Variants in CYFIP1 observed in about 807,000 individuals in gnomAD.
The protein encoded by CYFIP1 is cytoplasmic FMR1-interacting protein 1.
CYFIP1 carries 58 observed loss-of-function variants against 163.5 expected under a neutral mutation model. The observed-to-expected ratio is 0.35, with a 90% CI of 0.29 to 0.44. CYFIP1 has a LOEUF of 0.44. CYFIP1 is among the 20% of genes least tolerant of loss of function. The pLI is 1.00. For synonymous variants in CYFIP1, 663 were observed against 660.7 expected, an observed-to-expected ratio of 1.00 and a Z score of -0.05; for missense variants, 1,338 against 1,653.8, an observed-to-expected ratio of 0.81 and a Z score of 3.31.
At chr15:22,880,120 G>GC in intron 25 of CYFIP1, 77 bp from the exon 26 acceptor site, 1 of 1,572,728 alleles carries the variant, frequency 6.4e-7, no homozygotes, top group Non-Finnish European at 8.6e-7. Flanking sequence ...ACAGCCAGGA[G>GC]CACCTGCCGT....
At chr15:22,883,728 A>G (rs1595510758) in intron 23 of CYFIP1, among the ~76,000 whole-genome samples, 1 of 150,386 alleles carries the variant, frequency 6.6e-6, no homozygotes, top group Non-Finnish European at 1.5e-5. Context: ...GAGGCAGGAG[A>G]ATGGCATGAA....
intron 21 of CYFIP1, among the ~76,000 whole-genome samples, chr15:22,907,099 T>A (rs1315689869): frequency 1.3e-5 from 2 of 152,208 alleles, no homozygotes; most frequent in Non-Finnish European, 2.9e-5. Context: ...TACATGCTAT[T>A]CCCAGCAGCT....
intron 1 of CYFIP1, among the ~76,000 whole-genome samples, chr15:22,969,064 G>A (rs894754662): frequency 6.6e-6 from 1 of 152,166 alleles, no homozygotes; most frequent in African/African-American, 2.4e-5. Flanking sequence ...CACAGGCTCT[G>A]AGCATCAAAT....
At chr15:22,892,063 C>G (rs866881847) in intron 23 of CYFIP1, among the ~76,000 whole-genome samples, 1 of 152,172 alleles carries the variant, frequency 6.6e-6, no homozygotes, top group African/African-American at 2.4e-5. Context: ...CACCGCAGCT[C>G]GCAGAGGGAA....
chr15:22,933,655 T>A (rs1446499710), intron 10 of CYFIP1, 147 bp downstream of exon 10: 4 of 621,098 alleles, frequency 6.4e-6, no homozygotes, highest in African/African-American at 1.9e-5. Context: ...AATAGCCGCA[T>A]GTGGCAAAGG....
intron 1 of CYFIP1, among the ~76,000 whole-genome samples, chr15:22,948,618 A>G (rs1426712057): frequency 6.6e-6 from 1 of 152,222 alleles, no homozygotes; most frequent in Non-Finnish European, 1.5e-5. Flanking sequence ...GAATCAACAG[A>G]TGCCAAAATA....
At chr15:22,947,946 C>T (rs2062115736) in intron 1 of CYFIP1, 2 of 985,462 alleles carry the variant, frequency 2.0e-6, no homozygotes, top group South Asian at 9.4e-5. Context: ...GGGCAATCTG[C>T]CTTCTGCTGA....
intron 30 of CYFIP1, 52 bp from the exon 31 acceptor site, chr15:22,870,244 C>A (rs976476266): frequency 5.3e-6 from 8 of 1,518,592 alleles, no homozygotes; most frequent in East Asian, 2.4e-5. Flanking sequence ...AACATTTATT[C>A]TTCATGTTTC....
At chr15:22,977,254 G>A (rs1784741152) in intron 1 of CYFIP1, among the ~76,000 whole-genome samples, 1 of 151,656 alleles carries the variant, frequency 6.6e-6, no homozygotes, top group African/African-American at 2.4e-5. Flanking sequence ...TGTATCTTGT[G>A]ACCTTGCTAA....
At chr15:22,902,587 T>G (rs974096553) in intron 22 of CYFIP1, among the ~76,000 whole-genome samples, 33 of 152,324 alleles carry the variant, frequency 2.2e-4, no homozygotes, top group African/African-American at 7.5e-4. Context: ...TTTAAAAATG[T>G]TGAGGAAAAT....
intron 21 of CYFIP1, chr15:22,904,669 A>G (rs1477666825): frequency 6.6e-6 from 1 of 152,152 alleles, no homozygotes; most frequent in East Asian, 1.9e-4. Flanking sequence ...TTCTATTTCT[A>G]TTGGACAGTA....
intron 13 of CYFIP1, 150 bp from the exon 14 acceptor site, chr15:22,919,008 C>T (rs1214202203): frequency 4.8e-6 from 3 of 624,384 alleles, no homozygotes; most frequent in Admixed American, 3.1e-5. Context: ...CCCAAAACGT[C>T]TTCTCCAAAG....
chr15:22,925,652 C>T (rs1044797207), intron 13 of CYFIP1, among the ~76,000 whole-genome samples: 1 of 152,146 alleles, frequency 6.6e-6, no homozygotes, highest in Non-Finnish European at 1.5e-5. Context: ...GGGAGTGCAG[C>T]GCCTGCCTCA....
At position 22,927,821 on chromosome 15, in the gene CYFIP1, T is replaced by C. The variant is rs192874497; in HGVS notation, c.1233+85A>G. ...ATTCTCGTCTTTCTAGGGCCAAAGA[T>C]AAAAAGCCCAAAGACCAAAAGTTAA... On this transcript the variant is annotated intron_variant, in intron 12 of 30. Coordinates refer to ENST00000617928, the MANE Select transcript of CYFIP1 (RefSeq NM_014608.6). 1.1e-4 allele frequency: 158 copies of C among 1,401,974 alleles called. No individual in the cohort carries two copies. The East Asian group carries it at 4.2e-3, about 37-fold the overall frequency. The allele number at this position is 1,401,974 out of a possible 1,614,324, so 86.8% of individuals were successfully genotyped here.
In CYFIP1 at chr15:22,962,006, T is replaced by C. The variant is rs1489772365; in HGVS notation, c.-6-14715A>G. On this transcript the variant is annotated intron_variant, in intron 1 of 30. Coordinates refer to ENST00000617928, the MANE Select transcript of CYFIP1 (RefSeq NM_014608.6). ...CCCAGGCCCAGGGAAGGAAGCAGTT[T>C]CTAATCATAGCCCCAGTTTCTGCAA... 3.3e-5 allele frequency among the ~76,000 whole-genome samples: 5 copies of C among 152,304 alleles called. No individual in the cohort carries two copies. The East Asian group carries it at 9.6e-4, about 29-fold the overall frequency.
chr15:22,915,027 C>T, intron 16 of CYFIP1, 145 bp from the exon 17 acceptor site: 1 of 766,330 alleles, frequency 1.3e-6, no homozygotes, highest in Non-Finnish European at 2.0e-6. Flanking sequence ...GGGGAGGGGT[C>T]ACCGGGGCCT....
In CYFIP1 at chr15:22,971,681, A is replaced by AAAAAAAG. The variant is rs1176056518; in HGVS notation, c.-7+8599_-7+8605dup. ...ACAAGACCAAAACTCTGTCTCAAAAAAAAAAAGAAAAAAGAAAAAGAAAAG... is the reference window on the plus strand; with the variant it reads ...ACAAGACCAAAACTCTGTCTCAAAAAAAAAAAGAAAAAAGAAAAAAGAAAAAGAAAAG... On this transcript the variant is annotated intron_variant, in intron 1 of 30. Transcript: ENST00000617928. Among the ~76,000 whole-genome samples, 8 of 152,080 alleles carry AAAAAAAG rather than the reference A, an allele frequency of 5.3e-5. No individual in the cohort carries two copies. In the East Asian group the frequency reaches 1.5e-3, roughly 29 times the overall value.
In CYFIP1 at chr15:22,908,518, C is replaced by CTTTTTTTTTTT. The variant is rs58565266; in HGVS notation, c.2388+665_2388+675dup. 2.1e-4 allele frequency among the ~76,000 whole-genome samples: 16 copies of CTTTTTTTTTTT among 75,492 alleles called. 1 individual carries two copies. Among genetic ancestry groups the CTTTTTTTTTTT allele is most frequent in the African/African-American group, 9.5e-4 (16 of 16,770 alleles). 49.5% of individuals were successfully genotyped at this position (75,492 alleles called of 152,430 possible). On this transcript the variant is annotated intron_variant, in intron 21 of 30. Transcript: ENST00000617928. ...CTCTTGGTCCCTAAAGAAGATATTTCTTTTTTTTTTTTTTTTTTTTTTTTT... is the reference window on the plus strand; with the variant it reads ...CTCTTGGTCCCTAAAGAAGATATTTCTTTTTTTTTTTTTTTTTTTTTTTTTTTTTTTTTTTT...
chr15:22,910,633 T>C lies in CYFIP1; in HGVS notation c.2160-5A>G, dbSNP rs1566958960. The stretch of plus-strand genomic sequence containing the variant: ...AACCGTTTATCAAGAAGCAAACTAG[T>C]GTAGAAGGAAGACAGAAAGTTTTTC... On this transcript the variant is annotated splice_polypyrimidine_tract_variant and splice_region_variant and intron_variant, in intron 19 of 30. Transcript: ENST00000617928. 1 of 1,613,308 alleles carries C rather than the reference T, an allele frequency of 6.2e-7. No homozygotes were observed. Among genetic ancestry groups the C allele is most frequent in the African/African-American group, 1.3e-5 (1 of 75,008 alleles).
Sources: allele counts gnomAD v4.1 joint callset (sites outside exome capture counted in the v4.1 genomes callset), GRCh38; gene constraint gnomAD v4.1.1; transcripts MANE v1.5; gene names NCBI Gene and HGNC (gene_info 2026-07-23, HGNC 2026-07-21).